CCDC191: variants seen among roughly 807,000 people sequenced by gnomAD.
CCDC191 encodes coiled-coil domain containing 191.
Under a neutral mutation model 114.0 loss-of-function variants are expected in CCDC191, and 99 were observed. The observed-to-expected ratio is 0.87, with a 90% confidence interval of 0.74 to 1.03. CCDC191 has a LOEUF of 1.03. Among genes scored for constraint, CCDC191 ranks in the 50% least tolerant of loss-of-function variants. The pLI is 0.00. For synonymous variants in CCDC191, 351 were observed against 376.0 expected (o/e 0.93, Z 0.77); for missense variants, 973 against 1,087.0 (o/e 0.90, Z 1.47).
intron 10 of CCDC191, 128 bp downstream of exon 10, chr3:114,005,375 TCTTTG>T (rs2075934402): frequency 4.7e-5 from 38 of 802,316 alleles, no homozygotes. Context: ...TAACTAGGCT[TCTTTG>T]CTTTGAGAGT....
intron 9 of CCDC191, among the ~76,000 whole-genome samples, chr3:114,008,879 G>C (rs1469891686): frequency 6.6e-6 from 1 of 152,004 alleles, no homozygotes; most frequent in Non-Finnish European, 1.5e-5. Context: ...TGAGAAATAG[G>C]TGATTTTGTT....
Position 114,046,582 on chromosome 3 carries a change from T to C in CCDC191, c.271+9A>G, listed in dbSNP as rs1427488519. The C allele has an allele frequency of 2.0e-6, 3 of 1,488,922 alleles. No homozygotes were observed. The highest frequency in any genetic ancestry group is 1.7e-5 in the Admixed American group (1 of 59,610). 92.2% of individuals were successfully genotyped at this position (1,488,922 alleles called of 1,614,324 possible). A position where few individuals can be genotyped will look rare whatever the true frequency, so the allele number is the denominator to read the frequency against. On this transcript the variant is annotated intron_variant, in intron 3 of 16. Coordinates refer to ENST00000295878, the MANE Select transcript of CCDC191 (RefSeq NM_020817.2). ...TGTTAACATCGCAGCAGAAAATGCA[T>C]TCTCTTACCTTCTGCATAGATTTCA...
intron 8 of CCDC191, among the ~76,000 whole-genome samples, chr3:114,016,734 A>G (rs942420742): frequency 1.3e-5 from 2 of 152,180 alleles, no homozygotes; most frequent in African/African-American, 4.8e-5. Flanking sequence ...TTTAAAGTTT[A>G]ATTGGAACGG....
chr3:114,015,555 C>T (rs1466484245), intron 8 of CCDC191, among the ~76,000 whole-genome samples: 1 of 152,000 alleles, frequency 6.6e-6, no homozygotes, highest in Non-Finnish European at 1.5e-5. Context: ...GCTGTAAATG[C>T]AGACAGAAAG....
In CCDC191 at chr3:113,965,126, T is replaced by C. The variant is rs1301586399; in HGVS notation, c.*29A>G. 1 of 1,467,746 alleles carries C rather than the reference T, an allele frequency of 6.8e-7. No homozygotes were observed. Among genetic ancestry groups the C allele is most frequent in the Non-Finnish European group, 9.3e-7 (1 of 1,078,140 alleles). 90.9% of individuals were successfully genotyped at this position (1,467,746 alleles called of 1,614,324 possible). On this transcript the variant is annotated 3_prime_UTR_variant, in exon 17 of 17. Coordinates refer to ENST00000295878, the MANE Select transcript of CCDC191 (RefSeq NM_020817.2). The stretch of plus-strand genomic sequence containing the variant: ...AACACACATACAGACTAGTCGAGCT[T>C]CCTGTCCTAAATATTACACTAATCT...
chr3:114,049,889 T>C (rs1048723457), intron 2 of CCDC191, among the ~76,000 whole-genome samples: 5 of 152,232 alleles, frequency 3.3e-5, no homozygotes, highest in African/African-American at 4.8e-5. Flanking sequence ...TTTAACAACT[T>C]ATTCTTTCAG....
At chr3:114,017,404 T>C (rs1324325169) in intron 8 of CCDC191, among the ~76,000 whole-genome samples, 3 of 152,184 alleles carry the variant, frequency 2.0e-5, no homozygotes, top group South Asian at 2.1e-4. Context: ...AGATGTATTA[T>C]TCAGTTTACA....
intron 13 of CCDC191, among the ~76,000 whole-genome samples, chr3:113,982,091 C>G (rs1258768471): frequency 1.3e-5 from 2 of 152,220 alleles, no homozygotes; most frequent in South Asian, 4.1e-4. Context: ...GAGAAGCCCT[C>G]AGGCTCAGAC....
chr3:113,987,434 A>G (rs766475886), intron 13 of CCDC191, among the ~76,000 whole-genome samples: 10 of 152,254 alleles, frequency 6.6e-5, no homozygotes, highest in Admixed American at 6.5e-5. Flanking sequence ...GTTTAACAAG[A>G]TATTGGCTAT....
intron 13 of CCDC191, among the ~76,000 whole-genome samples, chr3:113,985,919 A>C (rs2075339188): frequency 6.6e-6 from 1 of 152,144 alleles, no homozygotes; most frequent in Non-Finnish European, 1.5e-5. Flanking sequence ...GGCCTTCAAC[A>C]AAAAAATACA....
chr3:114,053,930 C>T (rs2076731140), intron 1 of CCDC191, among the ~76,000 whole-genome samples: 1 of 151,752 alleles, frequency 6.6e-6, no homozygotes, highest in Non-Finnish European at 1.5e-5. Context: ...TTTTAAACCT[C>T]CTTAGGGTTA....
chr3:113,981,859 C>A (rs768927191), intron 13 of CCDC191, among the ~76,000 whole-genome samples: 6 of 152,176 alleles, frequency 3.9e-5, no homozygotes, highest in Non-Finnish European at 5.9e-5. Flanking sequence ...TAAACCAAAA[C>A]AAGCTTTATA....
intron 14 of CCDC191, among the ~76,000 whole-genome samples, chr3:113,980,142 C>T (rs990781096): frequency 8.5e-5 from 13 of 152,254 alleles, no homozygotes; most frequent in African/African-American, 3.1e-4. Flanking sequence ...TTGGTTTGGC[C>T]TTTTGTAGCT....
At chr3:114,029,862 C>T (rs756484834) in intron 7 of CCDC191, among the ~76,000 whole-genome samples, 5 of 152,014 alleles carry the variant, frequency 3.3e-5, no homozygotes, top group Admixed American at 1.3e-4. Context: ...TCAGAAATGG[C>T]AAGGTCATAA....
intron 9 of CCDC191, among the ~76,000 whole-genome samples, chr3:114,009,342 T>C (rs928474797): frequency 1.3e-5 from 2 of 152,178 alleles, no homozygotes; most frequent in African/African-American, 2.4e-5. Flanking sequence ...TTTTATAAAG[T>C]AACAGCTTAA....
At chr3:114,056,312 TG>T in intron 1 of CCDC191, 64 bp downstream of exon 1, 1 of 1,506,112 alleles carries the variant, frequency 6.6e-7, no homozygotes, top group Non-Finnish European at 9.2e-7. Context: ...GGGCCGCGAC[TG>T]GCTTCCTGAC....
At chr3:114,002,407 C>T in intron 12 of CCDC191, 49 bp downstream of exon 12, 1 of 1,348,284 alleles carries the variant, frequency 7.4e-7, no homozygotes. Flanking sequence ...TAAGAAAGAC[C>T]TGGACAAATC....
chr3:113,984,581 C>T lies in CCDC191; in HGVS notation c.2164-3788G>A, dbSNP rs542871027. The T allele has an allele frequency of 3.3e-5, 5 of 151,926 alleles. No individual in the cohort carries two copies. The South Asian group carries it at 8.3e-4, about 25-fold the overall frequency. 9.4% of individuals were successfully genotyped at this position (151,926 alleles called of 1,614,324 possible). On this transcript the variant is annotated intron_variant, in intron 13 of 16. Coordinates refer to ENST00000295878, the MANE Select transcript of CCDC191 (RefSeq NM_020817.2). The stretch of plus-strand genomic sequence containing the variant: ...GCACACTGTGTAGAGCATCTTTGTC[C>T]AGAAGGAAAAGAAGACAATTGCCAT...
chr3:114,055,585 AG>A (rs954488543), intron 1 of CCDC191, among the ~76,000 whole-genome samples: 43 of 152,376 alleles, frequency 2.8e-4, no homozygotes, highest in African/African-American at 9.6e-4. Flanking sequence ...GTATAACTTA[AG>A]GGTGAAAACA....
Sources: gnomAD v4.1 joint callset for allele counts (sites outside exome capture counted in the v4.1 genomes callset) on GRCh38, gnomAD v4.1.1 for gene constraint, MANE v1.5 for transcripts, NCBI Gene and HGNC (gene_info 2026-07-23, HGNC 2026-07-21) for gene names.